Variants in BIRC6 observed in about 807,000 individuals in gnomAD.
The protein encoded by BIRC6 is baculoviral IAP repeat containing 6, also known as dual E2 ubiquitin-conjugating enzyme/E3 ubiquitin-protein ligase BIRC6.
BIRC6 carries 98 observed loss-of-function variants against 503.3 expected under a neutral mutation model. The ratio of observed to expected loss-of-function variants is 0.19; its 90% confidence interval spans 0.17 to 0.23. The LOEUF (loss-of-function observed/expected upper bound fraction) is 0.23, where lower values mean the gene tolerates loss of function less well. Among genes scored for constraint, BIRC6 ranks in the 10% least tolerant of loss-of-function variants. The pLI, the probability that BIRC6 is intolerant of heterozygous loss-of-function variation, is 1.00. For missense variants in BIRC6, 5,360 were observed against 5,806.0 expected (o/e 0.92, Z 2.50); for synonymous variants, 2,240 against 2,078.7 (o/e 1.08, Z -2.11).
chr2:32,549,539 A>G (rs2058296179), intron 65 of BIRC6, 58 bp downstream of exon 65: 2 of 1,246,928 alleles, frequency 1.6e-6, no homozygotes, highest in African/African-American at 1.5e-5. Context: ...TTATTTTATC[A>G]TTGTCTAATA....
chr2:32,388,016 A>T (rs946581374), intron 3 of BIRC6, among the ~76,000 whole-genome samples: 1 of 152,208 alleles, frequency 6.6e-6, no homozygotes, highest in African/African-American at 2.4e-5. Context: ...GCTAATTAAC[A>T]TATCTATCAA....
At chr2:32,414,731 G>A in intron 9 of BIRC6, 38 bp from the exon 10 acceptor site, 3 of 1,512,718 alleles carry the variant, frequency 2.0e-6, no homozygotes, top group Middle Eastern at 1.7e-4. Context: ...GACTGGATGA[G>A]TAGAAACATA....
Position 32,448,595 on chromosome 2 carries a change from G to A in BIRC6, c.4485-200G>A, listed in dbSNP as rs529363096. Among the ~76,000 whole-genome samples the A allele has an allele frequency of 2.8e-3, 433 of 152,130 alleles. 7 individuals carry two copies. Among genetic ancestry groups the A allele is most frequent in the African/African-American group, 0.01 (422 of 41,486 alleles). ...AGGGAGGTTGCAGTGAGCCGAGATC[G>A]CAGCAGTACAGTCCAGCTTCGGCTC... On this transcript the variant is annotated intron_variant, in intron 21 of 73. Transcript: ENST00000421745.
chr2:32,394,995 A>C (rs1416763915), intron 5 of BIRC6, among the ~76,000 whole-genome samples: 4 of 151,970 alleles, frequency 2.6e-5, no homozygotes, highest in Admixed American at 2.6e-4. Context: ...CTAAAAATAC[A>C]AAAAAAATTA....
chr2:32,518,557 G>A (rs549863243), intron 56 of BIRC6, among the ~76,000 whole-genome samples, 160 bp downstream of exon 56: 4 of 152,224 alleles, frequency 2.6e-5, no homozygotes, highest in South Asian at 2.1e-4. Flanking sequence ...TCAGGATAGC[G>A]CTCTCCCTCA....
At chr2:32,368,798 T>G (rs533009006) in intron 1 of BIRC6, among the ~76,000 whole-genome samples, 1 of 152,130 alleles carries the variant, frequency 6.6e-6, no homozygotes, top group East Asian at 1.9e-4. Flanking sequence ...ATTACAGGTG[T>G]GTACCACCAT....
In BIRC6 at chr2:32,510,333, C is replaced by T. The variant is rs562500151; in HGVS notation, c.10238-193C>T. ...ACCTCAGGTGATCCACCCACCTTGG[C>T]CTCCCAGAGTGCTGGGATTACACGT... On this transcript the variant is annotated intron_variant, in intron 52 of 73. Coordinates refer to ENST00000421745, the MANE Select transcript of BIRC6 (RefSeq NM_016252.4). Among the ~76,000 whole-genome samples, 20 of 152,320 alleles carry T rather than the reference C, an allele frequency of 1.3e-4. 1 individual carries two copies. The South Asian group carries it at 4.1e-3, about 32-fold the overall frequency.
In BIRC6 at chr2:32,515,471, G is replaced by A. The variant is rs148383984; in HGVS notation, c.11050G>A (p.Ala3684Thr). 18 of 1,613,562 alleles carry A rather than the reference G, an allele frequency of 1.1e-5. No homozygotes were observed. In the Admixed American group the frequency reaches 3.0e-4, roughly 27 times the overall value. ...NKMPITADLV[A>T]PILRFLTEVG... ...GATGCCTATCACAGCCGACCTAGTT[G>A]CTCCTATTCTTAGGTTTTTGACAGA... is the stretch of plus-strand genomic sequence containing the variant. Residue 3684 changes from alanine to threonine, a missense_variant, in exon 55 of 74, where the codon GCT (alanine) becomes ACT (threonine). By Grantham distance (58) the Ala-to-Thr change is moderately conservative. Around this residue, in one of 16 missense-constraint regions of BIRC6, gnomAD observed 878 missense variants for 928.9 expected, o/e 0.95. Coordinates refer to ENST00000421745, the MANE Select transcript of BIRC6 (RefSeq NM_016252.4).
chr2:32,572,805 A>G (rs951030416), intron 65 of BIRC6, among the ~76,000 whole-genome samples: 14 of 152,208 alleles, frequency 9.2e-5, no homozygotes, highest in African/African-American at 3.1e-4. Context: ...TGGAAGGTGT[A>G]AAATGACCTT....
At chr2:32,557,560 A>T (rs561431342) in intron 65 of BIRC6, 4 of 152,174 alleles carry the variant, frequency 2.6e-5, no homozygotes, top group Admixed American at 2.6e-4. Context: ...TGGAAGCATC[A>T]TATAGTAATT....
Position 32,493,532 on chromosome 2 carries a change from C to G in BIRC6, c.8341-8C>G, listed in dbSNP as rs1167515566. The G allele has an allele frequency of 8.2e-6, 13 of 1,593,610 alleles. No individual in the cohort carries two copies. The highest frequency in any genetic ancestry group is 1.1e-5 in the Non-Finnish European group (13 of 1,167,456). On this transcript the variant is annotated splice_polypyrimidine_tract_variant and splice_region_variant and intron_variant, in intron 44 of 73. Coordinates refer to ENST00000421745, the MANE Select transcript of BIRC6 (RefSeq NM_016252.4). ...AGCAGTTTTCAGTGAATATACATTT[C>G]TCTTTAGGTTGGTCCTACAGCTACA...
At chr2:32,511,050 GTTTA>G (rs956412809) in intron 53 of BIRC6, among the ~76,000 whole-genome samples, 14 of 151,988 alleles carry the variant, frequency 9.2e-5, no homozygotes, top group African/African-American at 3.1e-4. Flanking sequence ...TAATGGTTCT[GTTTA>G]TTTATTATTG....
At chr2:32,377,533 T>C in intron 1 of BIRC6, 55 bp from the exon 2 acceptor site, 1 of 1,405,018 alleles carries the variant, frequency 7.1e-7, no homozygotes, top group Non-Finnish European at 9.7e-7. Context: ...ACATTTATTT[T>C]TAATAGACCA....
chr2:32,496,033 G>C lies in BIRC6; in HGVS notation c.8468+2366G>C, dbSNP rs986326489. Among the ~76,000 whole-genome samples, 6 of 151,938 alleles carry C rather than the reference G, an allele frequency of 3.9e-5. No individual in the cohort carries two copies. The South Asian group carries it at 1.3e-3, about 32-fold the overall frequency. ...TGTTTTTGTAGTTTTAGTAGAGACG[G>C]GGTTTCACCGTGTTAGCCAGGATGG... is the stretch of plus-strand genomic sequence containing the variant. On this transcript the variant is annotated intron_variant, in intron 45 of 73. Coordinates refer to ENST00000421745, the MANE Select transcript of BIRC6 (RefSeq NM_016252.4).
chr2:32,456,297 T>C (rs1021209888), intron 23 of BIRC6, among the ~76,000 whole-genome samples: 1 of 152,222 alleles, frequency 6.6e-6, no homozygotes, highest in African/African-American at 2.4e-5. Context: ...TTGCCTTCTT[T>C]TCAATCCTAT....
intron 61 of BIRC6, among the ~76,000 whole-genome samples, chr2:32,535,762 A>C (rs1220844413): frequency 6.6e-6 from 1 of 152,180 alleles, no homozygotes; most frequent in African/African-American, 2.4e-5. Flanking sequence ...GCTGCAATAA[A>C]CATACGTGTG....
In BIRC6 at chr2:32,469,486, G is replaced by A. The variant is rs1213840922; in HGVS notation, c.6219G>A (p.Lys2073=). 3 of 1,613,926 alleles carry A rather than the reference G, an allele frequency of 1.9e-6. No homozygotes were observed. In the South Asian group the frequency reaches 3.3e-5, roughly 18 times the overall value. ...FKHLCISGTP[K]IRLHTGLLLV... ...ACTTGTGCATCAGTGGAACCCCAAA[G>A]ATACGGTTACATACTGGTCTTCTTC... Residue 2073 remains lysine (K), a synonymous_variant, in exon 30 of 74, where the codon AAG becomes AAA. Transcript: ENST00000421745.
At chr2:32,603,146 A>G (rs1194027741) in intron 71 of BIRC6, 63 bp downstream of exon 71, 4 of 1,271,400 alleles carry the variant, frequency 3.1e-6, no homozygotes, top group Non-Finnish European at 4.4e-6. Context: ...ATTTTAAAAA[A>G]TTTTTAGTGA....
At position 32,478,756 on chromosome 2, in the gene BIRC6, T is replaced by C. The variant is rs764261702; in HGVS notation, c.7190T>C (p.Ile2397Thr). Residue 2397 changes from isoleucine (I) to threonine (T), a missense_variant, in exon 36 of 74, where the codon ATA becomes ACA. Physicochemically the swap from Ile to Thr is moderately conservative, Grantham distance 89. Around this residue, in one of 16 missense-constraint regions of BIRC6, gnomAD observed 2,299 missense variants for 2,267.2 expected, o/e 1.01. Coordinates refer to ENST00000421745, the MANE Select transcript of BIRC6 (RefSeq NM_016252.4). ...GGAACTGACTTCAATAGAGGAGATA[T>C]ATCTTGGGGTGGTGCTTGGGCTCAG... Reference protein sequence around the residue: ...LVGTDFNRGDISWGGAWAQYS... With the variant: ...LVGTDFNRGDTSWGGAWAQYS... The C allele has an allele frequency of 1.1e-5, 18 of 1,613,758 alleles. No homozygotes were observed. Among genetic ancestry groups the C allele is most frequent in the African/African-American group, 1.3e-5 (1 of 74,922 alleles).
Sources: gnomAD v4.1 joint callset for allele counts (sites outside exome capture counted in the v4.1 genomes callset) on GRCh38, gnomAD v4.1.1 for gene constraint, gnomAD v4.1.1 regional missense constraint, MANE v1.5 for transcripts, NCBI Gene and HGNC (gene_info 2026-07-23, HGNC 2026-07-21) for gene names.